Variants in PKHD1 observed in about 807,000 individuals in gnomAD.
PKHD1 encodes fibrocystin.
In PKHD1, 291 loss-of-function variants were observed where a neutral mutation model predicts 412.0. That is an observed-to-expected ratio of 0.71 (90% CI 0.64 to 0.78). The LOEUF (loss-of-function observed/expected upper bound fraction) is 0.78. Among genes scored for constraint, PKHD1 ranks in the 30% least tolerant of loss-of-function variants. The pLI, the probability that PKHD1 is intolerant of heterozygous loss-of-function variation, is 0.00. For missense variants in PKHD1, 4,825 were observed against 4,950.7 expected (o/e 0.97, Z 0.76); for synonymous variants, 1,777 against 1,821.5 (o/e 0.98, Z 0.62).
chr6:51,659,233 A>G lies in PKHD1; in HGVS notation c.10893T>C (p.Tyr3631=), dbSNP rs1290859259. The stretch of plus-strand genomic sequence containing the variant: ...GAGGCCTACGTTGACCAACTCTTCT[A>G]TAATGACTAGTGCAAGTCACAGTAG... The part of the protein sequence containing the change: ...NCPTVTCTSH[Y]RRVGQRRPLM... Residue 3631 remains tyrosine (Y), a synonymous_variant, in exon 61 of 67, where the codon TAT becomes TAC. Transcript: ENST00000371117. The G allele has an allele frequency of 1.9e-6, 3 of 1,613,890 alleles. No homozygotes were observed. Among genetic ancestry groups the G allele is most frequent in the Admixed American group, 3.3e-5 (2 of 59,920 alleles).
intron 16 of PKHD1, among the ~76,000 whole-genome samples, chr6:52,058,026 T>C (rs978593728): frequency 3.9e-5 from 6 of 152,222 alleles, no homozygotes; most frequent in African/African-American, 1.2e-4. Context: ...CATGCACGCA[T>C]ACATGTCGGG....
At position 51,934,298 on chromosome 6, in the gene PKHD1, G is replaced by C; in HGVS notation, c.5933C>G (p.Pro1978Arg). 1 of 1,612,470 alleles carries C rather than the reference G, an allele frequency of 6.2e-7. No individual in the cohort carries two copies. Among genetic ancestry groups the C allele is most frequent in the Non-Finnish European group, 8.5e-7 (1 of 1,179,614 alleles). Residue 1978 changes from proline to arginine, a missense_variant, in exon 37 of 67, where the codon CCA becomes CGA. Transcript: ENST00000371117. ...GTGTGCCCTGAGCTCGATGGGTCCT[G>C]GGGCCATGAAAATCAGCTTGCCCCC... ...IKGGKLIFMA[P>R]GPIELRAHAI...
In PKHD1 at chr6:52,045,080, A is replaced by G. The variant is rs1805571207; in HGVS notation, c.2601T>C (p.Asp867=). The change falls in exon 25 of 67, where the codon GAT becomes GAC. Residue 867 remains aspartate (D), a synonymous_variant. Transcript: ENST00000371117. ...CAGGATTCACTCCAGTAAGGTTTTCATCAGAGACCTGAGATGGTTACATTT... is the reference window on the plus strand; with the variant it reads ...CAGGATTCACTCCAGTAAGGTTTTCGTCAGAGACCTGAGATGGTTACATTT... ...GDLPNFIRVS[D]ENLTGVNPAA... 1 of 1,613,542 alleles carries G rather than the reference A, an allele frequency of 6.2e-7. No individual in the cohort carries two copies. The highest frequency in any genetic ancestry group is 8.5e-7 in the Non-Finnish European group (1 of 1,179,500).
chr6:51,759,418 C>A (rs1562248618), intron 55 of PKHD1, among the ~76,000 whole-genome samples: 1 of 152,098 alleles, frequency 6.6e-6, no homozygotes, highest in African/African-American at 2.4e-5. Context: ...CAAAATCTTT[C>A]CCCTGGAATT....
chr6:51,731,160 T>C lies in PKHD1; in HGVS notation c.10156+13225A>G, dbSNP rs1026488964. Among the ~76,000 whole-genome samples, 5 of 152,024 alleles carry C rather than the reference T, an allele frequency of 3.3e-5. No homozygotes were observed. In the East Asian group the frequency reaches 9.6e-4, roughly 29 times the overall value. On this transcript the variant is annotated intron_variant, in intron 60 of 66. Transcript: ENST00000371117. Reference sequence around the variant, plus strand: ...CAGCAACGCAGGGTTACTCCATTATTAAAACTTGAAGACTAGGAACACAGC... The same window carrying C: ...CAGCAACGCAGGGTTACTCCATTATCAAAACTTGAAGACTAGGAACACAGC...
intron 37 of PKHD1, among the ~76,000 whole-genome samples, chr6:51,928,794 G>T (rs902171088): frequency 6.6e-6 from 1 of 152,130 alleles, no homozygotes; most frequent in Non-Finnish European, 1.5e-5. Context: ...GAGACAGCCA[G>T]GGTAAGGGAC....
intron 60 of PKHD1, among the ~76,000 whole-genome samples, chr6:51,736,272 C>T (rs1358713867): frequency 6.6e-6 from 1 of 152,196 alleles, no homozygotes; most frequent in East Asian, 1.9e-4. Context: ...CTGTTCATAT[C>T]ATCTTTTATA....
chr6:51,643,468 A>G (rs1042048697), intron 63 of PKHD1, among the ~76,000 whole-genome samples: 7 of 152,110 alleles, frequency 4.6e-5, no homozygotes, highest in Admixed American at 2.0e-4. Flanking sequence ...TGAACAAAAG[A>G]TAGATTGTGT....
At chr6:51,758,351 G>A (rs1012377340) in intron 55 of PKHD1, among the ~76,000 whole-genome samples, 5 of 151,984 alleles carry the variant, frequency 3.3e-5, no homozygotes, top group African/African-American at 1.2e-4. Flanking sequence ...AGGAAACTGG[G>A]GTCTCAGTAT....
intron 14 of PKHD1, among the ~76,000 whole-genome samples, chr6:52,061,208 A>C (rs1000460419): frequency 2.6e-5 from 4 of 152,160 alleles, no homozygotes. Context: ...TTCTTTGTTT[A>C]AAGACAGAGT....
intron 60 of PKHD1, chr6:51,720,705 ATACCTATT>A (rs1781798855): frequency 6.6e-6 from 1 of 151,722 alleles, no homozygotes; most frequent in South Asian, 2.1e-4. Context: ...TTATTCATAT[ATACCTATT>A]TACCTATTTA....
Position 52,062,616 on chromosome 6 carries a change from G to A in PKHD1, c.1021C>T (p.Leu341=). ...LFEVGDAVEG[L]ELTEATPGYR... ...CCTGGGGTGGCTTCAGTCAGTTCCA[G>A]TCCCTCAACAGCATCTCCAACTTCA... Residue 341 remains leucine (L), a synonymous_variant, in exon 14 of 67, where the codon CTG becomes TTG. Coordinates refer to ENST00000371117, the MANE Select transcript of PKHD1 (RefSeq NM_138694.4). 1.2e-6 allele frequency: 2 copies of A among 1,614,106 alleles called. No individual in the cohort carries two copies. The highest frequency in any genetic ancestry group is 2.2e-5 in the South Asian group (2 of 91,080).
Position 51,934,006 on chromosome 6 carries a change from T to C in PKHD1, c.6121+104A>G, listed in dbSNP as rs1787062885. 4 of 826,172 alleles carry C rather than the reference T, an allele frequency of 4.8e-6. No individual in the cohort carries two copies. In the Admixed American group the frequency reaches 7.3e-5, roughly 15 times the overall value. The allele number at this position is 826,172 out of a possible 1,614,324, so 51.2% of individuals were successfully genotyped here. A position where few individuals can be genotyped will look rare whatever the true frequency, so the allele number is the denominator to read the frequency against. ...AAATAGTGCCATGCTCTAACTGACC[T>C]GGTTGGCTCAGCAACTATAGTCAAG... On this transcript the variant is annotated intron_variant, in intron 37 of 66. Transcript: ENST00000371117.
At chr6:51,811,336 A>C (rs924231084) in intron 52 of PKHD1, among the ~76,000 whole-genome samples, 1 of 152,172 alleles carries the variant, frequency 6.6e-6, no homozygotes, top group Non-Finnish European at 1.5e-5. Flanking sequence ...AAGTGAAAAA[A>C]TTGGGGTGAA....
chr6:51,711,125 G>A (rs1582216792), intron 60 of PKHD1, among the ~76,000 whole-genome samples: 2 of 152,320 alleles, frequency 1.3e-5, no homozygotes, highest in Admixed American at 1.3e-4. Flanking sequence ...ACCAAGAAGT[G>A]TTGGTGTTGG....
In PKHD1 at chr6:51,644,260, A is replaced by G. The variant is rs560534295; in HGVS notation, c.11398+3771T>C. Among the ~76,000 whole-genome samples the G allele has an allele frequency of 5.9e-5, 9 of 152,294 alleles. No homozygotes were observed. In the South Asian group the frequency reaches 6.2e-4, roughly 11 times the overall value. ...TGAAAACAACATCAAATGATTATTCATTAACTTGGAGACTTTATTACAACA... is the reference window on the plus strand; with the variant it reads ...TGAAAACAACATCAAATGATTATTCGTTAACTTGGAGACTTTATTACAACA... On this transcript the variant is annotated intron_variant, in intron 63 of 66. Transcript: ENST00000371117.
At chr6:51,769,573 TAA>T (rs1453879685) in intron 55 of PKHD1, among the ~76,000 whole-genome samples, 1 of 151,554 alleles carries the variant, frequency 6.6e-6, no homozygotes, top group Non-Finnish European at 1.5e-5. Context: ...TACCTCTTTT[TAA>T]AAATTTAATC....
At chr6:51,911,997 C>G (rs200487301) in intron 38 of PKHD1, 41 bp from the exon 39 acceptor site, 14 of 1,462,384 alleles carry the variant, frequency 9.6e-6, no homozygotes, top group South Asian at 5.7e-5. Flanking sequence ...GGACATCACT[C>G]CAAATCTTAC....
chr6:52,069,435 A>G, intron 11 of PKHD1, 22 bp downstream of exon 11: 1 of 1,563,364 alleles, frequency 6.4e-7, no homozygotes, highest in African/African-American at 1.4e-5. Context: ...GGGAAGGGGT[A>G]CTTGGTGAAG....
Sources: allele counts gnomAD v4.1 joint callset (sites outside exome capture counted in the v4.1 genomes callset), GRCh38; gene constraint gnomAD v4.1.1; transcripts MANE v1.5; gene names NCBI Gene and HGNC (gene_info 2026-07-23, HGNC 2026-07-21).